The following TAFA5 variants were observed in gnomAD, a reference collection of about 807,000 sequenced individuals.
TAFA5 encodes the protein chemokine-like protein TAFA-5.
In TAFA5, 6 loss-of-function variants were observed where a neutral mutation model predicts 15.3. The observed-to-expected ratio is 0.39, with a 90% CI of 0.21 to 0.77. TAFA5 has a LOEUF of 0.77. Among genes scored for constraint, TAFA5 ranks in the 30% least tolerant of loss-of-function variants. The pLI is 0.41. For synonymous variants in TAFA5, 103 were observed against 80.7 expected, an observed-to-expected ratio of 1.28 and a Z score of -1.48; for missense variants, 161 against 193.1, an observed-to-expected ratio of 0.83 and a Z score of 0.98.
At chr22:48,642,665 G>T (rs112938663) in intron 1 of TAFA5, among the ~76,000 whole-genome samples, 2 of 152,150 alleles carry the variant, frequency 1.3e-5, no homozygotes, top group Non-Finnish European at 2.9e-5. Flanking sequence ...TGTGTGGTCT[G>T]TGTGTGTGGA....
In TAFA5 at chr22:48,598,677, T is replaced by G. The variant is rs1007730057; in HGVS notation, c.113-47920T>G. ...TCCAACTTTCCAGACACCAAATGAA[T>G]ATCTGGCCATTTAATTAAATTGTCC... On this transcript the variant is annotated intron_variant, in intron 1 of 3. Coordinates refer to ENST00000402357, the MANE Select transcript of TAFA5 (RefSeq NM_001082967.3). The surrounding 1 kb of genome is among the most constrained non-coding windows in gnomAD (Gnocchi z 4.0). 1.3e-5 allele frequency among the ~76,000 whole-genome samples: 2 copies of G among 152,150 alleles called. No homozygotes were observed. Among genetic ancestry groups the G allele is most frequent in the Admixed American group, 6.5e-5 (1 of 15,280 alleles).
chr22:48,645,607 G>C (rs4925393), intron 1 of TAFA5, among the ~76,000 whole-genome samples: 130,792 of 152,150 alleles, frequency 0.86, 56,725 homozygotes, highest in East Asian at 1. Flanking sequence ...TGCTTCCCTC[G>C]TGCCCTGTGG....
chr22:48,636,390 T>G (rs1343577174), intron 1 of TAFA5, among the ~76,000 whole-genome samples: 2 of 152,200 alleles, frequency 1.3e-5, no homozygotes, highest in African/African-American at 4.8e-5. Context: ...AAACTTGATT[T>G]CACTGTAACT....
At chr22:48,590,465 A>G (rs1330472776) in intron 1 of TAFA5, among the ~76,000 whole-genome samples, 1 of 152,130 alleles carries the variant, frequency 6.6e-6, no homozygotes, top group African/African-American at 2.4e-5. Flanking sequence ...TCTTTTTAGC[A>G]GTGAGGTGAT....
chr22:48,703,581 G>A (rs1928983705), intron 2 of TAFA5, among the ~76,000 whole-genome samples: 1 of 152,250 alleles, frequency 6.6e-6, no homozygotes, highest in Admixed American at 6.5e-5. Context: ...AACACAGCCT[G>A]TAGGTTCTGG....
Position 48,598,684 on chromosome 22 carries a change from C to T in TAFA5, c.113-47913C>T, listed in dbSNP as rs1569041326. On this transcript the variant is annotated intron_variant, in intron 1 of 3. Transcript: ENST00000402357. This position sits in a 1 kb window ranked among gnomAD's most constrained non-coding sequence, Gnocchi z 4.0. ...TTCCAGACACCAAATGAATATCTGG[C>T]CATTTAATTAAATTGTCCTCCAATT... 6.6e-6 allele frequency among the ~76,000 whole-genome samples: 1 copy of T among 152,146 alleles called. No homozygotes were observed. The highest frequency in any genetic ancestry group is 1.5e-5 in the Non-Finnish European group (1 of 68,028).
At chr22:48,648,026 G>A (rs1926926102) in intron 2 of TAFA5, among the ~76,000 whole-genome samples, 2 of 152,208 alleles carry the variant, frequency 1.3e-5, no homozygotes, top group Non-Finnish European at 2.9e-5. Context: ...CTGGGCAGGT[G>A]GAGTAGGGCC....
chr22:48,743,628 C>T (rs116335979), intron 3 of TAFA5, among the ~76,000 whole-genome samples: 4,129 of 152,294 alleles, frequency 0.027, 168 homozygotes, highest in African/African-American at 0.095. Context: ...GGTGCGTCCT[C>T]ATTCCGGCGT....
At chr22:48,615,913 T>G (rs1046247445) in intron 1 of TAFA5, among the ~76,000 whole-genome samples, 5 of 152,238 alleles carry the variant, frequency 3.3e-5, no homozygotes, top group Admixed American at 3.3e-4. Flanking sequence ...TTTCCAATCC[T>G]CACCCTGGCT....
At chr22:48,498,815 C>G (rs987627090) in intron 1 of TAFA5, among the ~76,000 whole-genome samples, 4 of 152,204 alleles carry the variant, frequency 2.6e-5, no homozygotes, top group African/African-American at 7.2e-5. Flanking sequence ...ACTGGAAGCC[C>G]TGCTCTAGCG....
In TAFA5 at chr22:48,679,739, TCCTGGCTC is replaced by T. The variant is rs1373335631; in HGVS notation, c.263-27975_263-27968del. Reference sequence around the variant, plus strand: ...TCTCCCGGCTCCCCGTCCATCCCTCTCCTGGCTCCCCAGCTCCCCGTCCATCCCTCTCC... The same window carrying T: ...TCTCCCGGCTCCCCGTCCATCCCTCTCCCAGCTCCCCGTCCATCCCTCTCC... On this transcript the variant is annotated intron_variant, in intron 2 of 3. Transcript: ENST00000402357. 2.2e-4 allele frequency among the ~76,000 whole-genome samples: 13 copies of T among 58,416 alleles called. No homozygotes were observed. The South Asian group carries it at 3.5e-3, about 16-fold the overall frequency. The allele number at this position is 58,416 out of a possible 152,430, so 38.3% of individuals were successfully genotyped here. A position where few individuals can be genotyped will look rare whatever the true frequency, so the allele number is the denominator to read the frequency against.
chr22:48,632,395 C>T (rs921441766), intron 1 of TAFA5, among the ~76,000 whole-genome samples: 1 of 152,202 alleles, frequency 6.6e-6, no homozygotes, highest in African/African-American at 2.4e-5. Context: ...AAACCAAGGC[C>T]ACTGTCCTTG....
intron 3 of TAFA5, among the ~76,000 whole-genome samples, chr22:48,730,498 C>T (rs1929841317): frequency 6.6e-6 from 1 of 152,164 alleles, no homozygotes; most frequent in African/African-American, 2.4e-5. Context: ...TGCTTTATTG[C>T]ACTTTGCAAA....
intron 1 of TAFA5, among the ~76,000 whole-genome samples, chr22:48,577,631 C>T (rs2147143160): frequency 6.6e-6 from 1 of 152,314 alleles, no homozygotes; most frequent in South Asian, 2.1e-4. Context: ...AGCTGCTTTC[C>T]TGACTAATTA....
intron 1 of TAFA5, among the ~76,000 whole-genome samples, chr22:48,635,082 GC>G (rs1402633517): frequency 1.3e-5 from 2 of 152,218 alleles, no homozygotes; most frequent in African/African-American, 4.8e-5. Flanking sequence ...GCTGTTCTGG[GC>G]CTGGGGCCTG....
intron 1 of TAFA5, among the ~76,000 whole-genome samples, chr22:48,494,710 C>T (rs1271761364): frequency 6.6e-6 from 1 of 152,204 alleles, no homozygotes; most frequent in Admixed American, 6.5e-5. Flanking sequence ...GCTCCAGCCA[C>T]CCTGCTCCTC....
intron 1 of TAFA5, among the ~76,000 whole-genome samples, chr22:48,492,301 TA>T (rs2147090888): frequency 6.6e-6 from 1 of 152,364 alleles, no homozygotes; most frequent in East Asian, 1.9e-4. Flanking sequence ...GTCTTTGTGT[TA>T]TGAAGCAGAT....
chr22:48,585,340 T>G (rs1276339667), intron 1 of TAFA5, among the ~76,000 whole-genome samples: 1 of 132,314 alleles, frequency 7.6e-6, no homozygotes, highest in African/African-American at 2.9e-5. Flanking sequence ...CACACACACA[T>G]AAAATACACC....
intron 2 of TAFA5, among the ~76,000 whole-genome samples, chr22:48,661,915 C>A (rs1927454624): frequency 7.8e-6 from 1 of 128,692 alleles, no homozygotes; most frequent in Non-Finnish European, 1.6e-5. Context: ...GACTGGGGGG[C>A]TCATTGGGGT....
Sources: gnomAD v4.1 joint callset for allele counts (sites outside exome capture counted in the v4.1 genomes callset) on GRCh38, gnomAD v4.1.1 for gene constraint, Gnocchi (gnomAD v3.1) non-coding constraint, MANE v1.5 for transcripts, NCBI Gene and HGNC (gene_info 2026-07-23, HGNC 2026-07-21) for gene names.